DAGLB: variants seen among roughly 807,000 people sequenced by gnomAD.
DAGLB encodes the protein diacylglycerol lipase beta.
DAGLB carries 66 observed loss-of-function variants against 72.1 expected under a neutral mutation model. The observed-to-expected ratio is 0.92, with a 90% CI of 0.75 to 1.12. The LOEUF (loss-of-function observed/expected upper bound fraction) is 1.12, where lower values mean the gene tolerates loss of function less well. Ranked by LOEUF, DAGLB falls within the 50% of genes most tolerant of loss-of-function variation. The pLI, the probability that DAGLB is intolerant of heterozygous loss-of-function variation, is 0.00. For missense variants in DAGLB, 1,065 were observed against 884.9 expected (o/e 1.20, Z -2.58); for synonymous variants, 414 against 359.5 (o/e 1.15, Z -1.71).
intron 9 of DAGLB, chr7:6,417,268 A>AC: frequency 5.5e-6 from 1 of 180,458 alleles, no homozygotes; most frequent in Non-Finnish European, 1.2e-5. Context: ...CTACTAAAAA[A>AC]AAAAAAATTA....
Position 6,431,276 on chromosome 7 carries a change from G to A in DAGLB, c.802-669C>T, listed in dbSNP as rs1001340152. Among the ~76,000 whole-genome samples, 13 of 151,972 alleles carry A rather than the reference G, an allele frequency of 8.6e-5. 1 individual carries two copies. Among genetic ancestry groups the A allele is most frequent in the Non-Finnish European group, 1.2e-4 (8 of 68,004 alleles). On this transcript the variant is annotated intron_variant, in intron 5 of 14. Transcript: ENST00000297056. ...ACCCGGAGCAGCGAAGATACATACC[G>A]TCTACGTGCAATTTTCTTTCTCAAA...
At chr7:6,428,273 G>C (rs1784372887) in intron 6 of DAGLB, among the ~76,000 whole-genome samples, 2 of 139,122 alleles carry the variant, frequency 1.4e-5, no homozygotes, top group African/African-American at 2.7e-5. Flanking sequence ...TTGAACCTGG[G>C]AGATGGAGGT....
rs551614015 is a variant in DAGLB at position 6,414,925 on chromosome 7, T to C, written c.1427+1702A>G. Among the ~76,000 whole-genome samples, 6 of 151,938 alleles carry C rather than the reference T, an allele frequency of 3.9e-5. No individual in the cohort carries two copies. The South Asian group carries it at 1.2e-3, about 32-fold the overall frequency. On this transcript the variant is annotated intron_variant, in intron 11 of 14. Transcript: ENST00000297056. Reference sequence around the variant, plus strand: ...GCTCAACACCTTTAATCCTAGCACTTTGGGAGGGTGAGGCAGGAGGATCAC... The same window carrying C: ...GCTCAACACCTTTAATCCTAGCACTCTGGGAGGGTGAGGCAGGAGGATCAC...
chr7:6,423,866 C>T (rs934874880), intron 8 of DAGLB, among the ~76,000 whole-genome samples: 3 of 152,132 alleles, frequency 2.0e-5, no homozygotes, highest in African/African-American at 4.8e-5. Flanking sequence ...GGATTACAGG[C>T]GCCACTGCTT....
chr7:6,441,823 T>C (rs183741687), intron 2 of DAGLB, among the ~76,000 whole-genome samples: 19 of 152,308 alleles, frequency 1.2e-4, no homozygotes, highest in African/African-American at 2.4e-5. Context: ...GGGATATCTC[T>C]ACCCACAAGT....
chr7:6,438,071 G>C (rs901362706), intron 2 of DAGLB, among the ~76,000 whole-genome samples: 1 of 152,140 alleles, frequency 6.6e-6, no homozygotes, highest in African/African-American at 2.4e-5. Context: ...GATGAAGCTG[G>C]AAACCATCAT....
At position 6,426,045 on chromosome 7, in the gene DAGLB, G is replaced by C. The variant is rs1487960959; in HGVS notation, c.999C>G (p.Ile333Met). 2 of 1,614,110 alleles carry C rather than the reference G, an allele frequency of 1.2e-6. No homozygotes were observed. Among genetic ancestry groups the C allele is most frequent in the Non-Finnish European group, 1.7e-6 (2 of 1,180,024 alleles). The change falls in exon 7 of 15, where the codon ATC (isoleucine) becomes ATG (methionine). Residue 333 changes from isoleucine to methionine, a missense_variant. Coordinates refer to ENST00000297056, the MANE Select transcript of DAGLB (RefSeq NM_139179.4). Reference sequence around the variant, plus strand: ...TGTACTGCAGCCCTGTGGTGTGCAGGATGGAGCCGAAGTGACAGTTGAGCT... The same window carrying C: ...TGTACTGCAGCCCTGTGGTGTGCAGCATGGAGCCGAAGTGACAGTTGAGCT... ...GDQLNCHFGSILHTTGLQYRD... is the reference protein window; with the variant it reads ...GDQLNCHFGSMLHTTGLQYRD...
At chr7:6,415,056 G>A (rs1783857609) in intron 11 of DAGLB, among the ~76,000 whole-genome samples, 1 of 149,980 alleles carries the variant, frequency 6.7e-6, no homozygotes. Context: ...AGCTACTTGG[G>A]AGGCTGAGGC....
chr7:6,421,628 G>A, intron 9 of DAGLB, 99 bp downstream of exon 9: 1 of 1,145,426 alleles, frequency 8.7e-7, no homozygotes, highest in Non-Finnish European at 1.2e-6. Context: ...CAGCGCGGGA[G>A]GCGCAGGCAG....
chr7:6,414,950 C>G (rs1460535548), intron 11 of DAGLB, among the ~76,000 whole-genome samples: 1 of 152,082 alleles, frequency 6.6e-6, no homozygotes, highest in African/African-American at 2.4e-5. Flanking sequence ...AGGAGGATCA[C>G]TTGAGCCCAG....
Position 6,412,683 on chromosome 7 carries a change from T to A in DAGLB, c.1569+128A>T, listed in dbSNP as rs1223206114. 21 of 1,058,578 alleles carry A rather than the reference T, an allele frequency of 2.0e-5. No individual in the cohort carries two copies. The East Asian group carries it at 5.3e-4, about 26-fold the overall frequency. The allele number at this position is 1,058,578 out of a possible 1,614,324, so 65.6% of individuals were successfully genotyped here. On this transcript the variant is annotated intron_variant, in intron 13 of 14. Transcript: ENST00000297056. ...CCTAGCCCAGAATCTGATCAGATGG[T>A]GGAAGGAGAACTTCCAGCAACAGCA...
intron 1 of DAGLB, among the ~76,000 whole-genome samples, chr7:6,447,409 C>T (rs1038249113): frequency 2.0e-5 from 3 of 152,208 alleles, no homozygotes; most frequent in Non-Finnish European, 2.9e-5. Flanking sequence ...GAGGCCAAGG[C>T]TTTTGCCGGC....
chr7:6,445,243 G>A lies in DAGLB; in HGVS notation c.247+710C>T, dbSNP rs532224304. 2.0e-5 allele frequency among the ~76,000 whole-genome samples: 3 copies of A among 152,246 alleles called. No homozygotes were observed. In the South Asian group the frequency reaches 6.2e-4, roughly 32 times the overall value. On this transcript the variant is annotated intron_variant, in intron 2 of 14. Transcript: ENST00000297056. Reference sequence around the variant, plus strand: ...AAACAATCCAAATGCCTACCAAATGGCAAAGGGATAAATAAAATGTGGTCC... The same window carrying A: ...AAACAATCCAAATGCCTACCAAATGACAAAGGGATAAATAAAATGTGGTCC...
intron 5 of DAGLB, 92 bp downstream of exon 5, chr7:6,432,745 G>A (rs1784528908): frequency 7.0e-7 from 1 of 1,438,650 alleles, no homozygotes; most frequent in African/African-American, 1.5e-5. Context: ...AAGGAAGGGA[G>A]GAAGAAATTG....
At chr7:6,422,820 G>A (rs995271621) in intron 8 of DAGLB, 1 of 152,198 alleles carries the variant, frequency 6.6e-6, no homozygotes, top group East Asian at 1.9e-4. Flanking sequence ...CCAAACCTCA[G>A]CGTCACACAG....
intron 2 of DAGLB, among the ~76,000 whole-genome samples, chr7:6,442,526 G>A (rs1433690438): frequency 6.6e-6 from 1 of 152,100 alleles, no homozygotes; most frequent in African/African-American, 2.4e-5. Context: ...CAGAATGTGA[G>A]ATGAACAAAA....
At chr7:6,415,759 C>G (rs376579545) in intron 11 of DAGLB, among the ~76,000 whole-genome samples, 49 of 151,280 alleles carry the variant, frequency 3.2e-4, no homozygotes, top group African/African-American at 1.0e-3. Context: ...GCAGGAGAAT[C>G]GCTTGAAGCT....
At chr7:6,445,276 C>T (rs1022878766) in intron 2 of DAGLB, among the ~76,000 whole-genome samples, 5 of 152,190 alleles carry the variant, frequency 3.3e-5, no homozygotes, top group African/African-American at 1.2e-4. Flanking sequence ...TCCATTCATT[C>T]GATGCTCTTA....
chr7:6,447,895 A>T lies in DAGLB; in HGVS notation c.-53T>A. The T allele has an allele frequency of 1.3e-6, 2 of 1,543,954 alleles. No individual in the cohort carries two copies. Among genetic ancestry groups the T allele is most frequent in the Non-Finnish European group, 1.7e-6 (2 of 1,150,714 alleles). ...GAGAGACCCCGCGCGCCGTTCACCG[A>T]GAACAAACCAGCACCCTCCGGACGC... On this transcript the variant is annotated 5_prime_UTR_variant, in exon 1 of 15. Coordinates refer to ENST00000297056, the MANE Select transcript of DAGLB (RefSeq NM_139179.4).
Sources: gnomAD v4.1 joint callset for allele counts (sites outside exome capture counted in the v4.1 genomes callset) on GRCh38, gnomAD v4.1.1 for gene constraint, MANE v1.5 for transcripts, NCBI Gene and HGNC (gene_info 2026-07-23, HGNC 2026-07-21) for gene names.